Variants in GUCY1A2 observed in about 807,000 individuals in gnomAD.
GUCY1A2 encodes the protein guanylate cyclase 1 soluble subunit alpha 2, also known as guanylate cyclase soluble subunit alpha-2.
Under a neutral mutation model 63.5 loss-of-function variants are expected in GUCY1A2, and 27 were observed. The observed-to-expected ratio is 0.43, with a 90% CI of 0.31 to 0.59. The LOEUF is 0.59. Ranked by LOEUF, GUCY1A2 falls within the 20% of genes least tolerant of loss-of-function variation. The probability of loss-of-function intolerance (pLI) is 0.11; values close to 1 mark genes in which losing one functional copy is unlikely to be tolerated. For synonymous variants in GUCY1A2, 364 were observed against 343.5 expected, an observed-to-expected ratio of 1.06 and a Z score of -0.66; for missense variants, 768 against 913.3, an observed-to-expected ratio of 0.84 and a Z score of 2.05.
chr11:106,850,828 C>T (rs1859343701), intron 4 of GUCY1A2, among the ~76,000 whole-genome samples: 1 of 151,754 alleles, frequency 6.6e-6, no homozygotes, highest in African/African-American at 2.4e-5. Context: ...TTTTTAATAT[C>T]CTGACTTCGC....
intron 4 of GUCY1A2, among the ~76,000 whole-genome samples, chr11:106,823,489 C>A (rs1009087091): frequency 2.0e-5 from 3 of 152,074 alleles, no homozygotes; most frequent in Non-Finnish European, 4.4e-5. Flanking sequence ...AAAATAAAAT[C>A]AACAGTTGGT....
chr11:106,873,105 C>T (rs1219069668), intron 4 of GUCY1A2, among the ~76,000 whole-genome samples: 7 of 152,106 alleles, frequency 4.6e-5, no homozygotes, highest in African/African-American at 1.7e-4. Context: ...GATCTCATTC[C>T]TTTTTATGGC....
In GUCY1A2 at chr11:106,776,436, TAC is replaced by T; in HGVS notation, c.1836+1_1836+2del. On this transcript the variant is annotated splice_donor_variant, in intron 6 of 7. Transcript: ENST00000526355. LOFTEE classifies it high-confidence loss of function. Reference sequence around the variant, plus strand: ...ACTCAAACTAGATTGTTGGGAGGGTTACCTGAATCGGTCTTCCATCAGGTGTC... The same window carrying T: ...ACTCAAACTAGATTGTTGGGAGGGTTCTGAATCGGTCTTCCATCAGGTGTC... The T allele has an allele frequency of 1.2e-6, 2 of 1,609,880 alleles. No individual in the cohort carries two copies. Among genetic ancestry groups the T allele is most frequent in the Non-Finnish European group, 1.7e-6 (2 of 1,176,436 alleles).
intron 4 of GUCY1A2, among the ~76,000 whole-genome samples, chr11:106,819,156 T>C (rs958651858): frequency 6.6e-6 from 1 of 152,096 alleles, no homozygotes; most frequent in African/African-American, 2.4e-5. Flanking sequence ...AAAACTTAAA[T>C]GAATGAGAAG....
chr11:106,705,921 C>T (rs1297018349), intron 7 of GUCY1A2, among the ~76,000 whole-genome samples: 1 of 151,962 alleles, frequency 6.6e-6, no homozygotes, highest in Non-Finnish European at 1.5e-5. Context: ...TAGGATGTCA[C>T]AATGAAAGAC....
chr11:106,937,109 T>C (rs1309879834), intron 4 of GUCY1A2, among the ~76,000 whole-genome samples: 1 of 152,214 alleles, frequency 6.6e-6, no homozygotes, highest in Non-Finnish European at 1.5e-5. Context: ...TTGGGGCAAC[T>C]GTAACCTCTC....
In GUCY1A2 at chr11:106,938,545, G is replaced by C. The variant is rs534234471; in HGVS notation, c.1206+915C>G. ...GCCTAAAAGAACTTTATTTACCCTA[G>C]TACAAAATGTTGAAAAGACACTCTA... On this transcript the variant is annotated intron_variant, in intron 4 of 7. Transcript: ENST00000526355. Among the ~76,000 whole-genome samples the C allele has an allele frequency of 2.0e-5, 3 of 152,064 alleles. No individual in the cohort carries two copies. In the East Asian group the frequency reaches 5.8e-4, roughly 29 times the overall value.
rs113824257 is a variant in GUCY1A2 at position 107,013,561 on chromosome 11, T to C, written c.303+4192A>G. On this transcript the variant is annotated intron_variant, in intron 1 of 7. Transcript: ENST00000526355. ...GTCTTGAGGGTTTTTGTTTGTTTTG[T>C]TTTGGAGACAGAGTCTCGCTGTCAC... Among the ~76,000 whole-genome samples, 1,433 of 152,324 alleles carry C rather than the reference T, an allele frequency of 9.4e-3. 27 individuals carry two copies. Among genetic ancestry groups the C allele is most frequent in the African/African-American group, 0.033 (1,381 of 41,572 alleles).
chr11:106,943,514 G>C (rs1419528978), intron 3 of GUCY1A2, among the ~76,000 whole-genome samples: 1 of 152,180 alleles, frequency 6.6e-6, no homozygotes, highest in African/African-American at 2.4e-5. Context: ...AATACGATCT[G>C]TTCCTTCATG....
intron 5 of GUCY1A2, among the ~76,000 whole-genome samples, chr11:106,792,955 G>A (rs1433867074): frequency 6.6e-6 from 1 of 152,004 alleles, no homozygotes; most frequent in Non-Finnish European, 1.5e-5. Flanking sequence ...AAAACCCGAA[G>A]TGATTACAGA....
At chr11:106,790,588 A>C (rs1427432857) in intron 5 of GUCY1A2, among the ~76,000 whole-genome samples, 1 of 151,804 alleles carries the variant, frequency 6.6e-6, no homozygotes, top group East Asian at 2.0e-4. Flanking sequence ...TCCACAACTG[A>C]GATTGCTGAG....
intron 6 of GUCY1A2, among the ~76,000 whole-genome samples, chr11:106,710,598 A>G (rs1863099755): frequency 6.6e-6 from 1 of 151,350 alleles, no homozygotes; most frequent in Non-Finnish European, 1.5e-5. Context: ...CATTGATTAA[A>G]AATTCTGAAG....
intron 1 of GUCY1A2, among the ~76,000 whole-genome samples, chr11:106,989,717 G>A (rs924308320): frequency 1.3e-5 from 2 of 152,086 alleles, no homozygotes; most frequent in African/African-American, 4.8e-5. Context: ...CCAGTGAACA[G>A]AGGAAAATTC....
chr11:106,897,294 G>A (rs1340200417), intron 4 of GUCY1A2, among the ~76,000 whole-genome samples: 1 of 152,074 alleles, frequency 6.6e-6, no homozygotes, highest in Admixed American at 6.6e-5. Flanking sequence ...TAGATTCAAT[G>A]AAATCTCTGT....
At chr11:106,824,959 A>C in intron 4 of GUCY1A2, 1 of 1,613,242 alleles carries the variant, frequency 6.2e-7, no homozygotes, top group Non-Finnish European at 8.5e-7. Context: ...GATGCCTGAC[A>C]TGAATGTTAC....
chr11:106,943,441 T>C (rs1375547083), intron 3 of GUCY1A2, among the ~76,000 whole-genome samples: 1 of 152,258 alleles, frequency 6.6e-6, no homozygotes, highest in Non-Finnish European at 1.5e-5. Flanking sequence ...TTTTAACTAC[T>C]GTTAATTCAC....
intron 4 of GUCY1A2, among the ~76,000 whole-genome samples, chr11:106,865,887 A>G (rs1185012409): frequency 6.6e-6 from 1 of 151,348 alleles, no homozygotes; most frequent in African/African-American, 2.4e-5. Context: ...CAATTATTAT[A>G]TAATTTATAT....
intron 4 of GUCY1A2, among the ~76,000 whole-genome samples, chr11:106,850,011 GA>G (rs1859330360): frequency 6.6e-6 from 1 of 151,640 alleles, no homozygotes; most frequent in Non-Finnish European, 1.5e-5. Context: ...ACCCCACGAA[GA>G]AACTTTGTAT....
At chr11:106,943,458 A>T (rs1444425135) in intron 3 of GUCY1A2, among the ~76,000 whole-genome samples, 1 of 152,238 alleles carries the variant, frequency 6.6e-6, no homozygotes, top group East Asian at 1.9e-4. Flanking sequence ...TCACCTCTTT[A>T]AAAAGGTGAA....
Sources: allele counts gnomAD v4.1 joint callset (sites outside exome capture counted in the v4.1 genomes callset), GRCh38; gene constraint gnomAD v4.1.1; transcripts MANE v1.5; gene names NCBI Gene and HGNC (gene_info 2026-07-23, HGNC 2026-07-21).